The following CCL21 variants were observed in gnomAD, a reference collection of about 807,000 sequenced individuals.
The protein encoded by CCL21 is C-C motif chemokine ligand 21.
Under a neutral mutation model 16.4 loss-of-function variants are expected in CCL21, and 12 were observed. The observed-to-expected ratio is 0.73, with a 90% CI of 0.47 to 1.18. CCL21 has a LOEUF of 1.18. CCL21 is among the 50% of genes most tolerant of loss of function. The probability of loss-of-function intolerance (pLI) is 0.00; values close to 1 mark genes in which losing one functional copy is unlikely to be tolerated. For synonymous variants in CCL21, 64 were observed against 62.1 expected (o/e 1.03, Z -0.15); for missense variants, 155 against 163.8 (o/e 0.95, Z 0.29).
intron 2 of CCL21, 34 bp downstream of exon 2, chr9:34,709,743 A>G (rs760314610): frequency 6.2e-7 from 1 of 1,612,202 alleles, no homozygotes; most frequent in Non-Finnish European, 8.5e-7. Flanking sequence ...CCACCCCGTC[A>G]CCAGCCAGTA....
Position 34,709,275 on chromosome 9 carries a change from C to G in CCL21, c.*119G>C, listed in dbSNP as rs948834710. On this transcript the variant is annotated 3_prime_UTR_variant, in exon 4 of 4. Coordinates refer to ENST00000259607, the MANE Select transcript of CCL21 (RefSeq NM_002989.4). ...AAGCAGGAGAAAGAGTGTGGCAAGGCCAGCATGGGGTGGCTGCTCCAGGGC... is the reference window on the plus strand; with the variant it reads ...AAGCAGGAGAAAGAGTGTGGCAAGGGCAGCATGGGGTGGCTGCTCCAGGGC... 8.2e-7 allele frequency: 1 copy of G among 1,223,380 alleles called. No individual in the cohort carries two copies. Among genetic ancestry groups the G allele is most frequent in the Non-Finnish European group, 1.2e-6 (1 of 846,938 alleles). The allele number at this position is 1,223,380 out of a possible 1,614,324, so 75.8% of individuals were successfully genotyped here.
Position 34,709,278 on chromosome 9 carries a change from G to T in CCL21, c.*116C>A. ...CAGGAGAAAGAGTGTGGCAAGGCCAGCATGGGGTGGCTGCTCCAGGGCCCC... is the reference window on the plus strand; with the variant it reads ...CAGGAGAAAGAGTGTGGCAAGGCCATCATGGGGTGGCTGCTCCAGGGCCCC... On this transcript the variant is annotated 3_prime_UTR_variant, in exon 4 of 4. Transcript: ENST00000259607. 1 of 1,243,222 alleles carries T rather than the reference G, an allele frequency of 8.0e-7. No individual in the cohort carries two copies. Among genetic ancestry groups the T allele is most frequent in the Non-Finnish European group, 1.2e-6 (1 of 864,246 alleles). 77.0% of individuals were successfully genotyped at this position (1,243,222 alleles called of 1,614,324 possible). A position where few individuals can be genotyped will look rare whatever the true frequency, so the allele number is the denominator to read the frequency against.
Position 34,709,118 on chromosome 9 carries a change from T to C in CCL21, c.*276A>G, listed in dbSNP as rs1821947665. The C allele has an allele frequency of 5.5e-6, 3 of 543,374 alleles. No homozygotes were observed. 33.7% of individuals were successfully genotyped at this position (543,374 alleles called of 1,614,324 possible). The stretch of plus-strand genomic sequence containing the variant: ...AGGTCCAGGGTCCTGATGATTCTCC[T>C]TCAAGGGGACAGTCCTGCTGCCTCC... On this transcript the variant is annotated 3_prime_UTR_variant, in exon 4 of 4. Coordinates refer to ENST00000259607, the MANE Select transcript of CCL21 (RefSeq NM_002989.4).
chr9:34,709,603 G>C lies in CCL21; in HGVS notation c.268C>G (p.Leu90Val), dbSNP rs1334728950. Residue 90 changes from leucine (L) to valine (V), a missense_variant, in exon 3 of 4, where the codon CTG becomes GTG. Leu to Val is a conservative substitution (Grantham distance 32, BLOSUM62 1). Coordinates refer to ENST00000259607, the MANE Select transcript of CCL21 (RefSeq NM_002989.4). The part of the protein sequence containing the change: ...ELWVQQLMQH[L>V]DKTPSPQKPA... Reference sequence around the variant, plus strand: ...TTCTGTGGGGATGGTGTCTTGTCCAGATGCTGCATCAGCTGCTGCACCCAG... The same window carrying C: ...TTCTGTGGGGATGGTGTCTTGTCCACATGCTGCATCAGCTGCTGCACCCAG... 1.2e-6 allele frequency: 2 copies of C among 1,614,188 alleles called. No homozygotes were observed. The highest frequency in any genetic ancestry group is 1.7e-5 in the Admixed American group (1 of 60,032).
Position 34,709,400 on chromosome 9 carries a change from C to T in CCL21, c.399G>A (p.Gly133=). The change falls in exon 4 of 4, where the codon GGG becomes GGA. Residue 133 remains glycine, a synonymous_variant. Coordinates refer to ENST00000259607, the MANE Select transcript of CCL21 (RefSeq NM_002989.4). ...CTCCAGGCTGCTCACTGGGCTATGG[C>T]CCTTTAGGGGTCTGTGACCGCTCAG... The part of the protein sequence containing the change: ...KRTERSQTPK[G]P 6.2e-7 allele frequency: 1 copy of T among 1,608,154 alleles called. No homozygotes were observed. Among genetic ancestry groups the T allele is most frequent in the Non-Finnish European group, 8.5e-7 (1 of 1,178,530 alleles).
Position 34,709,757 on chromosome 9 carries a change from A to C in CCL21, c.188+20T>G, listed in dbSNP as rs1821958027. On this transcript the variant is annotated intron_variant, in intron 2 of 3. Transcript: ENST00000259607. ...CCCACCCCGTCACCAGCCAGTACCC[A>C]CCCCTTTGTGTCCACTCACAGGATA... 6.2e-7 allele frequency: 1 copy of C among 1,610,072 alleles called. No individual in the cohort carries two copies. The highest frequency in any genetic ancestry group is 2.2e-5 in the East Asian group (1 of 44,766).
Position 34,709,902 on chromosome 9 carries a change from A to G in CCL21, c.68-5T>C, listed in dbSNP as rs780176692. On this transcript the variant is annotated splice_polypyrimidine_tract_variant and splice_region_variant and intron_variant, in intron 1 of 3. Transcript: ENST00000259607. ...CCTGAGCCCCTCCATCACTGCCTGC[A>G]GGGTGGGATTCACAGGGAGCCAGGG... is the stretch of plus-strand genomic sequence containing the variant. 1 of 1,614,162 alleles carries G rather than the reference A, an allele frequency of 6.2e-7. No individual in the cohort carries two copies. The highest frequency in any genetic ancestry group is 8.5e-7 in the Non-Finnish European group (1 of 1,180,004).
chr9:34,709,494 C>T lies in CCL21; in HGVS notation c.371+6G>A, dbSNP rs201113589. The T allele has an allele frequency of 4.1e-5, 66 of 1,613,980 alleles. No individual in the cohort carries two copies. The East Asian group carries it at 1.4e-3, about 34-fold the overall frequency. On this transcript the variant is annotated splice_donor_region_variant and intron_variant, in intron 3 of 3. Transcript: ENST00000259607. ...CCCCTTTACCCACATCCCTCAGATT[C>T]CTCACCTCTTGCAGCCTTTGGAGCC... is the stretch of plus-strand genomic sequence containing the variant.
rs372182137 is a variant in CCL21 at position 34,709,960 on chromosome 9, T to G, written c.67+40A>C. ...GCAAGCTCCTATCCAGGCCTCTTGA[T>G]CCCCTTAGCCCCATGCAAGGCCCCT... is the stretch of plus-strand genomic sequence containing the variant. On this transcript the variant is annotated intron_variant, in intron 1 of 3. Coordinates refer to ENST00000259607, the MANE Select transcript of CCL21 (RefSeq NM_002989.4). 5 of 1,613,924 alleles carry G rather than the reference T, an allele frequency of 3.1e-6. No homozygotes were observed. In the African/African-American group the frequency reaches 6.7e-5, roughly 22 times the overall value.
chr9:34,709,232 A>C lies in CCL21; in HGVS notation c.*162T>G. The C allele has an allele frequency of 4.7e-6, 4 of 853,678 alleles. No individual in the cohort carries two copies. The highest frequency in any genetic ancestry group is 5.7e-6 in the Non-Finnish European group (3 of 524,310). The allele number at this position is 853,678 out of a possible 1,614,324, so 52.9% of individuals were successfully genotyped here. Reference sequence around the variant, plus strand: ...TCAGCCATGCAGGGTAGAGCTGGGAATGCAGATGGGGTGGTTAAAGCAGGA... The same window carrying C: ...TCAGCCATGCAGGGTAGAGCTGGGACTGCAGATGGGGTGGTTAAAGCAGGA... On this transcript the variant is annotated 3_prime_UTR_variant, in exon 4 of 4. Coordinates refer to ENST00000259607, the MANE Select transcript of CCL21 (RefSeq NM_002989.4).
chr9:34,709,594 T>C lies in CCL21; in HGVS notation c.277A>G (p.Thr93Ala), dbSNP rs749954967. 40 of 1,614,048 alleles carry C rather than the reference T, an allele frequency of 2.5e-5. No homozygotes were observed. Among genetic ancestry groups the C allele is most frequent in the Middle Eastern group, 1.6e-4 (1 of 6,084 alleles). The stretch of plus-strand genomic sequence containing the variant: ...TGGGCTGGTTTCTGTGGGGATGGTG[T>C]CTTGTCCAGATGCTGCATCAGCTGC... ...VQQLMQHLDK[T>A]PSPQKPAQGC... Residue 93 changes from threonine (T) to alanine (A), a missense_variant, in exon 3 of 4, where the codon ACA (threonine) becomes GCA (alanine). Physicochemically the swap from Thr to Ala is moderately conservative, Grantham distance 58. Coordinates refer to ENST00000259607, the MANE Select transcript of CCL21 (RefSeq NM_002989.4).
In CCL21 at chr9:34,709,594, T is replaced by G; in HGVS notation, c.277A>C (p.Thr93Pro). The G allele has an allele frequency of 6.2e-7, 1 of 1,614,166 alleles. No homozygotes were observed. Among genetic ancestry groups the G allele is most frequent in the Non-Finnish European group, 8.5e-7 (1 of 1,180,022 alleles). ...VQQLMQHLDK[T>P]PSPQKPAQGC... The stretch of plus-strand genomic sequence containing the variant: ...TGGGCTGGTTTCTGTGGGGATGGTG[T>G]CTTGTCCAGATGCTGCATCAGCTGC... The change falls in exon 3 of 4, where the codon ACA becomes CCA. Residue 93 changes from threonine to proline, a missense_variant. By Grantham distance (38) the Thr-to-Pro change is conservative. Transcript: ENST00000259607.
At position 34,709,347 on chromosome 9, in the gene CCL21, G is replaced by A. The variant is rs375090901; in HGVS notation, c.*47C>T. ...TGCATCTTGGGTTCAGGCTTCAAGC[G>A]CTGGTGAGGCTGGTGGGGTCTCCAG... On this transcript the variant is annotated 3_prime_UTR_variant, in exon 4 of 4. Transcript: ENST00000259607. 60 of 1,599,054 alleles carry A rather than the reference G, an allele frequency of 3.8e-5. No individual in the cohort carries two copies. In the African/African-American group the frequency reaches 5.7e-4, roughly 15 times the overall value.
At position 34,709,558 on chromosome 9, in the gene CCL21, T is replaced by A. The variant is rs1166542420; in HGVS notation, c.313A>T (p.Lys105Ter). 7 of 1,614,034 alleles carry A rather than the reference T, an allele frequency of 4.3e-6. No homozygotes were observed. The highest frequency in any genetic ancestry group is 1.3e-5 in the African/African-American group (1 of 74,910). The change falls in exon 3 of 4, where the codon AAG becomes TAG. Residue 105 changes from lysine to a stop codon, truncating the protein, a stop_gained. Transcript: ENST00000259607. LOFTEE classifies it high-confidence loss of function. Reference sequence around the variant, plus strand: ...CCAGTCTTGGAGGCCCCCCTGTCCTTCCTGCAGCCCTGGGCTGGTTTCTGT... The same window carrying A: ...CCAGTCTTGGAGGCCCCCCTGTCCTACCTGCAGCCCTGGGCTGGTTTCTGT... ...SPQKPAQGCR[K>*]DRGASKTGKK...
In CCL21 at chr9:34,709,243, G is replaced by T; in HGVS notation, c.*151C>A. 4 of 937,950 alleles carry T rather than the reference G, an allele frequency of 4.3e-6. No individual in the cohort carries two copies. The highest frequency in any genetic ancestry group is 6.7e-6 in the Non-Finnish European group (4 of 593,304). 58.1% of individuals were successfully genotyped at this position (937,950 alleles called of 1,614,324 possible). On this transcript the variant is annotated 3_prime_UTR_variant, in exon 4 of 4. Transcript: ENST00000259607. ...GGGTAGAGCTGGGAATGCAGATGGG[G>T]TGGTTAAAGCAGGAGAAAGAGTGTG...
chr9:34,709,212 C>G lies in CCL21; in HGVS notation c.*182G>C. On this transcript the variant is annotated 3_prime_UTR_variant, in exon 4 of 4. Transcript: ENST00000259607. ...CCTGGCCTGCTGTGGGCAGCTCAGC[C>G]ATGCAGGGTAGAGCTGGGAATGCAG... 1 of 756,702 alleles carries G rather than the reference C, an allele frequency of 1.3e-6. No homozygotes were observed. Among genetic ancestry groups the G allele is most frequent in the East Asian group, 2.6e-5 (1 of 38,938 alleles). 46.9% of individuals were successfully genotyped at this position (756,702 alleles called of 1,614,324 possible).
At position 34,710,056 on chromosome 9, in the gene CCL21, G is replaced by C. The variant is rs376939263; in HGVS notation, c.11C>G (p.Ser4Ter). Residue 4 changes from serine to a stop codon, truncating the protein, a stop_gained, in exon 1 of 4, where the codon TCA becomes TGA. Coordinates refer to ENST00000259607, the MANE Select transcript of CCL21 (RefSeq NM_002989.4). LOFTEE classifies it high-confidence loss of function. MAQ[S>*]LALSLLILVL... ...CAGGATAAGGAGGCTCAGAGCCAGT[G>C]ACTGAGCCATGTCTGTGGTAGAGGG... 2 of 1,613,556 alleles carry C rather than the reference G, an allele frequency of 1.2e-6. No homozygotes were observed. Among genetic ancestry groups the C allele is most frequent in the Non-Finnish European group, 1.7e-6 (2 of 1,179,770 alleles).
chr9:34,709,552 TG>T lies in CCL21; in HGVS notation c.318del (p.Asp106GlufsTer92). ...TTCTTGCCAGTCTTGGAGGCCCCCC[TG>T]TCCTTCCTGCAGCCCTGGGCTGGTT... ...PQKPAQGCRK[D>X]RGASKTGKKG... is the part of the protein sequence containing the mutation. On this transcript the variant is annotated frameshift_variant, in exon 3 of 4. Transcript: ENST00000259607. LOFTEE classifies it high-confidence loss of function. 6.2e-7 allele frequency: 1 copy of T among 1,614,178 alleles called. No individual in the cohort carries two copies. The highest frequency in any genetic ancestry group is 8.5e-7 in the Non-Finnish European group (1 of 1,180,002).
At position 34,709,530 on chromosome 9, in the gene CCL21, T is replaced by C. The variant is rs1257922234; in HGVS notation, c.341A>G (p.Lys114Arg). ...GCAGCCTTTGGAGCCCTTTCCTTTC[T>C]TGCCAGTCTTGGAGGCCCCCCTGTC... ...RKDRGASKTG[K>R]KGKGSKGCKR... Residue 114 changes from lysine (K) to arginine (R), a missense_variant, in exon 3 of 4, where the codon AAG (lysine) becomes AGG (arginine). Coordinates refer to ENST00000259607, the MANE Select transcript of CCL21 (RefSeq NM_002989.4). 1.2e-6 allele frequency: 2 copies of C among 1,614,026 alleles called. No homozygotes were observed. The highest frequency in any genetic ancestry group is 1.7e-6 in the Non-Finnish European group (2 of 1,180,014).
Sources: allele counts gnomAD v4.1 joint callset, GRCh38; gene constraint gnomAD v4.1.1; transcripts MANE v1.5; gene names NCBI Gene and HGNC (gene_info 2026-07-23, HGNC 2026-07-21).